Variants in HSDL2 observed in about 807,000 individuals in gnomAD.
The protein encoded by HSDL2 is hydroxysteroid dehydrogenase-like protein 2.
HSDL2 carries 27 observed loss-of-function variants against 46.3 expected under a neutral mutation model. The ratio of observed to expected loss-of-function variants is 0.58; its 90% confidence interval spans 0.43 to 0.80. The LOEUF is 0.80. Among genes scored for constraint, HSDL2 ranks in the 30% least tolerant of loss-of-function variants. The pLI, the probability that HSDL2 is intolerant of heterozygous loss-of-function variation, is 0.00. For missense variants in HSDL2, 451 were observed against 502.7 expected, an observed-to-expected ratio of 0.90 and a Z score of 0.98; for synonymous variants, 153 against 163.6, an observed-to-expected ratio of 0.94 and a Z score of 0.50.
At chr9:112,424,503 A>C (rs1832204423) in intron 6 of HSDL2, among the ~76,000 whole-genome samples, 1 of 151,822 alleles carries the variant, frequency 6.6e-6, no homozygotes, top group African/African-American at 2.4e-5. Context: ...CAATTCTTAC[A>C]TCCTTGGTTT....
chr9:112,470,403 CT>C, intron 10 of HSDL2, 28 bp from the exon 11 acceptor site: 1 of 1,434,078 alleles, frequency 7.0e-7, no homozygotes, highest in Non-Finnish European at 9.8e-7. Flanking sequence ...CTAATGGTTG[CT>C]TTTCCCTCTC....
At chr9:112,426,421 A>C (rs1832247805) in intron 6 of HSDL2, among the ~76,000 whole-genome samples, 1 of 151,980 alleles carries the variant, frequency 6.6e-6, no homozygotes, top group Non-Finnish European at 1.5e-5. Flanking sequence ...TTTTTAGTAG[A>C]GACAGGGTTT....
intron 8 of HSDL2, among the ~76,000 whole-genome samples, chr9:112,451,617 G>C (rs1367744908): frequency 6.6e-6 from 1 of 152,112 alleles, no homozygotes; most frequent in East Asian, 1.9e-4. Context: ...TTTCATGTAT[G>C]TATGCATGTA....
chr9:112,420,522 C>CA (rs1342980005), intron 6 of HSDL2, among the ~76,000 whole-genome samples: 5 of 150,616 alleles, frequency 3.3e-5, no homozygotes, highest in African/African-American at 1.2e-4. Context: ...AAAAAACACA[C>CA]ACAAAAAAAA....
intron 1 of HSDL2, among the ~76,000 whole-genome samples, chr9:112,396,325 G>A (rs982800477): frequency 2.6e-5 from 4 of 152,126 alleles, no homozygotes; most frequent in Non-Finnish European, 5.9e-5. Flanking sequence ...CAGGAGGAAG[G>A]CCATAGATTA....
chr9:112,413,499 AAAAAG>A (rs56338226), intron 4 of HSDL2, among the ~76,000 whole-genome samples: 66,048 of 151,232 alleles, frequency 0.44, 14,698 homozygotes, highest in South Asian at 0.51. Context: ...AAAAAAGAAA[AAAAAG>A]AAAAGAAAAG....
chr9:112,448,995 A>G (rs2132684308), intron 8 of HSDL2, among the ~76,000 whole-genome samples: 1 of 46,718 alleles, frequency 2.1e-5, no homozygotes, highest in South Asian at 1.0e-3. Context: ...ATCCATTTGA[A>G]GTTTCAAAAC....
chr9:112,451,768 T>C (rs1256595428), intron 8 of HSDL2, among the ~76,000 whole-genome samples: 5 of 152,210 alleles, frequency 3.3e-5, no homozygotes, highest in African/African-American at 7.2e-5. Flanking sequence ...TGGAAGAGAT[T>C]TGAAGGATCG....
rs1448391161 is a variant in HSDL2, at chr9:112,380,248, G to A, written c.17+68G>A. On this transcript the variant is annotated intron_variant, in intron 1 of 10. Transcript: ENST00000398805. The stretch of plus-strand genomic sequence containing the variant: ...AAGGGCGCGTCTCGGTGGGGCCGCC[G>A]CGGATCGCCCGGGCTGGCCGGCCCG... 4 of 1,469,286 alleles carry A rather than the reference G, an allele frequency of 2.7e-6. No individual in the cohort carries two copies. In the African/African-American group the frequency reaches 4.6e-5, roughly 17 times the overall value. 91.0% of individuals were successfully genotyped at this position (1,469,286 alleles called of 1,614,324 possible). A position where few individuals can be genotyped will look rare whatever the true frequency, so the allele number is the denominator to read the frequency against.
intron 1 of HSDL2, among the ~76,000 whole-genome samples, chr9:112,398,973 T>A (rs62569978): frequency 0.14 from 21,320 of 152,134 alleles, 1,850 homozygotes; most frequent in East Asian, 0.21. Flanking sequence ...AACTCACCAA[T>A]TGTCAGGGAG....
chr9:112,426,836 C>A (rs1239389791), intron 6 of HSDL2, among the ~76,000 whole-genome samples: 1 of 152,094 alleles, frequency 6.6e-6, no homozygotes, highest in Non-Finnish European at 1.5e-5. Context: ...ACCTCTAAAG[C>A]CCTTTGTTGC....
intron 1 of HSDL2, among the ~76,000 whole-genome samples, chr9:112,403,093 G>C (rs1347055144): frequency 3.9e-5 from 6 of 152,224 alleles, no homozygotes; most frequent in African/African-American, 1.4e-4. Context: ...GCTCTTTTGA[G>C]ATGTGATTCA....
intron 8 of HSDL2, among the ~76,000 whole-genome samples, chr9:112,452,384 C>T (rs13284471): frequency 0.28 from 42,401 of 151,946 alleles, 6,240 homozygotes; most frequent in Middle Eastern, 0.38. Flanking sequence ...ATTTAATTAA[C>T]GAATTGTTCT....
chr9:112,465,948 T>C (rs982115545), intron 10 of HSDL2, among the ~76,000 whole-genome samples: 1 of 152,266 alleles, frequency 6.6e-6, no homozygotes, highest in Non-Finnish European at 1.5e-5. Context: ...GTTTAACTTC[T>C]CAAAGAATTG....
intron 6 of HSDL2, among the ~76,000 whole-genome samples, chr9:112,430,143 C>T (rs953093826): frequency 3.3e-5 from 5 of 151,542 alleles, no homozygotes; most frequent in Admixed American, 6.6e-5. Context: ...AAGTCCTAAC[C>T]GTCAGACCAC....
intron 7 of HSDL2, 144 bp downstream of exon 7, chr9:112,438,769 C>G: frequency 1.8e-6 from 1 of 545,916 alleles, no homozygotes. Flanking sequence ...GGAAGAAAAC[C>G]CATACCAACA....
rs1833555555 is a variant in HSDL2, at chr9:112,470,758, CTG to C, written c.*218_*219del. 5.4e-6 allele frequency: 2 copies of C among 368,214 alleles called. No individual in the cohort carries two copies. The highest frequency in any genetic ancestry group is 9.5e-5 in the East Asian group (2 of 21,036). The allele number at this position is 368,214 out of a possible 1,614,324, so 22.8% of individuals were successfully genotyped here. On this transcript the variant is annotated 3_prime_UTR_variant, in exon 11 of 11. Transcript: ENST00000398805. ...TCATTAAGTGGGATTCTAAGACAGT[CTG>C]TGTTTTTATATTTCAAGGGTTTAAC...
At chr9:112,419,075 C>CGA in intron 6 of HSDL2, 117 bp downstream of exon 6, 34 of 482,112 alleles carry the variant, frequency 7.1e-5, no homozygotes, top group South Asian at 1.3e-4. Flanking sequence ...GTGGTGTGAT[C>CGA]TTGGCTCACT....
chr9:112,386,758 G>A (rs1224420214), intron 1 of HSDL2, among the ~76,000 whole-genome samples: 1 of 152,184 alleles, frequency 6.6e-6, no homozygotes, highest in African/African-American at 2.4e-5. Context: ...ACACCAGCCT[G>A]GGCGACAAAG....
Sources: allele counts gnomAD v4.1 joint callset (sites outside exome capture counted in the v4.1 genomes callset), GRCh38; gene constraint gnomAD v4.1.1; transcripts MANE v1.5; gene names NCBI Gene and HGNC (gene_info 2026-07-23, HGNC 2026-07-21).